Variants in RSPO2 observed in about 807,000 individuals in gnomAD.
The protein encoded by RSPO2 is R-spondin-2.
RSPO2 carries 14 observed loss-of-function variants against 30.9 expected under a neutral mutation model. That is an observed-to-expected ratio of 0.45 (90% confidence interval 0.30 to 0.71). The LOEUF (loss-of-function observed/expected upper bound fraction) is 0.71, where lower values mean the gene tolerates loss of function less well. Ranked by LOEUF, RSPO2 falls within the 30% of genes least tolerant of loss-of-function variation. RSPO2 has a pLI of 0.08. For synonymous variants in RSPO2, 107 were observed against 96.4 expected (o/e 1.11, Z -0.64); for missense variants, 264 against 301.9 (o/e 0.87, Z 0.93).
At chr8:108,065,205 C>T (rs914435112) in intron 2 of RSPO2, among the ~76,000 whole-genome samples, 14 of 148,832 alleles carry the variant, frequency 9.4e-5, no homozygotes, top group African/African-American at 3.5e-4. Context: ...ACCTAGATGA[C>T]GTGTTAATAG....
In RSPO2 at chr8:107,955,190, G is replaced by A. The variant is rs190010257; in HGVS notation, c.616+2890C>T. ...CCAAGTCTCTTCCTCACCTTCATAT[G>A]ACAGCCACAGAACTTGCCTGCAACT... On this transcript the variant is annotated intron_variant, in intron 5 of 5. Coordinates refer to ENST00000276659, the MANE Select transcript of RSPO2 (RefSeq NM_178565.5). Among the ~76,000 whole-genome samples, 19 of 152,200 alleles carry A rather than the reference G, an allele frequency of 1.2e-4. No individual in the cohort carries two copies. In the East Asian group the frequency reaches 3.5e-3, roughly 28 times the overall value.
At chr8:107,910,557 G>T (rs1196352658) in intron 5 of RSPO2, among the ~76,000 whole-genome samples, 1 of 151,994 alleles carries the variant, frequency 6.6e-6, no homozygotes, top group African/African-American at 2.4e-5. Context: ...ATAGGTTATT[G>T]GTCCAAGCCA....
chr8:108,059,165 C>A (rs1376364355), intron 2 of RSPO2, among the ~76,000 whole-genome samples: 1 of 151,520 alleles, frequency 6.6e-6, no homozygotes, highest in Non-Finnish European at 1.5e-5. Flanking sequence ...AAAAAATAAA[C>A]AACCCCATCA....
rs145878777 is a variant in RSPO2, at chr8:108,002,121, T to C, written c.95-12877A>G. Among the ~76,000 whole-genome samples the C allele has an allele frequency of 3.8e-3, 579 of 152,314 alleles. 4 individuals are homozygous for C. The highest frequency in any genetic ancestry group is 0.013 in the African/African-American group (555 of 41,580). On this transcript the variant is annotated intron_variant, in intron 2 of 5. Transcript: ENST00000276659. ...GAAACTGCTGTGTTGTACAGATTAC[T>C]TATGCCAAGTGTTGGCTGGAGCTTT... is the stretch of plus-strand genomic sequence containing the variant.
intron 5 of RSPO2, among the ~76,000 whole-genome samples, chr8:107,924,470 A>T (rs1161799665): frequency 2.6e-5 from 4 of 152,078 alleles, no homozygotes; most frequent in Non-Finnish European, 5.9e-5. Context: ...TCCAATAAAA[A>T]TTCCTCAAGG....
intron 2 of RSPO2, among the ~76,000 whole-genome samples, chr8:108,053,707 TC>T (rs1812146261): frequency 1.3e-5 from 2 of 152,256 alleles, no homozygotes; most frequent in Admixed American, 6.5e-5. Flanking sequence ...GTGATTAAAA[TC>T]CTATTAAAAG....
chr8:107,953,051 C>T (rs566464947), intron 5 of RSPO2, among the ~76,000 whole-genome samples: 1 of 152,224 alleles, frequency 6.6e-6, no homozygotes, highest in African/African-American at 2.4e-5. Flanking sequence ...TGAGTTGAGG[C>T]AGCTGTGAGC....
intron 2 of RSPO2, among the ~76,000 whole-genome samples, chr8:107,993,334 T>C (rs1394056897): frequency 1.3e-5 from 2 of 152,162 alleles, no homozygotes; most frequent in Non-Finnish European, 2.9e-5. Context: ...CGAATATCTA[T>C]GAACAGAATA....
At chr8:107,973,196 G>A (rs975874697) in intron 3 of RSPO2, among the ~76,000 whole-genome samples, 1 of 151,850 alleles carries the variant, frequency 6.6e-6, no homozygotes, top group Non-Finnish European at 1.5e-5. Flanking sequence ...CGTGAACCCG[G>A]GAGGCAGAGT....
intron 2 of RSPO2, among the ~76,000 whole-genome samples, chr8:108,072,318 A>ATT: frequency 8.0e-6 from 1 of 124,616 alleles, no homozygotes; most frequent in African/African-American, 3.9e-5. Context: ...ATGGCAGAGA[A>ATT]CTTTTTTTTT....
intron 2 of RSPO2, among the ~76,000 whole-genome samples, chr8:108,056,640 A>AAG (rs1812256411): frequency 3.3e-5 from 5 of 149,636 alleles, no homozygotes; most frequent in Admixed American, 1.3e-4. Context: ...AAAAAAAAAA[A>AAG]AAAGAAAAGA....
chr8:107,943,347 G>C (rs1812958577), intron 5 of RSPO2, among the ~76,000 whole-genome samples: 1 of 152,128 alleles, frequency 6.6e-6, no homozygotes, highest in African/African-American at 2.4e-5. Flanking sequence ...TAAAATATCA[G>C]CATTTTGAGA....
In RSPO2 at chr8:108,061,166, T is replaced by C. The variant is rs553440284; in HGVS notation, c.94+21379A>G. On this transcript the variant is annotated intron_variant, in intron 2 of 5. Transcript: ENST00000276659. Reference sequence around the variant, plus strand: ...ACCAGCTAACATCATAATGACAGGATCAAATTCACACATAACAATATTAAC... The same window carrying C: ...ACCAGCTAACATCATAATGACAGGACCAAATTCACACATAACAATATTAAC... Among the ~76,000 whole-genome samples the C allele has an allele frequency of 8.6e-5, 13 of 151,818 alleles. No homozygotes were observed. The South Asian group carries it at 2.7e-3, about 32-fold the overall frequency.
At chr8:108,010,812 A>G (rs1167731969) in intron 2 of RSPO2, among the ~76,000 whole-genome samples, 1 of 152,186 alleles carries the variant, frequency 6.6e-6, no homozygotes, top group Admixed American at 6.5e-5. Flanking sequence ...ACACCCAGAA[A>G]TAAAAATGAG....
intron 2 of RSPO2, among the ~76,000 whole-genome samples, chr8:108,002,476 C>T (rs1018951149): frequency 2.6e-5 from 4 of 152,202 alleles, no homozygotes; most frequent in Admixed American, 2.0e-4. Flanking sequence ...AAATCTTCCC[C>T]TCCTGCCTAT....
At chr8:108,072,837 C>T (rs11777084) in intron 2 of RSPO2, among the ~76,000 whole-genome samples, 46,042 of 151,864 alleles carry the variant, frequency 0.3, 7,810 homozygotes, top group African/African-American at 0.46. Flanking sequence ...TAAATAGGTC[C>T]CTCTATAAAG....
At chr8:108,049,365 T>C (rs78702769) in intron 2 of RSPO2, among the ~76,000 whole-genome samples, 1 of 152,048 alleles carries the variant, frequency 6.6e-6, no homozygotes, top group African/African-American at 2.4e-5. Context: ...CTTTTTTTTC[T>C]TTTTTTAAAG....
intron 2 of RSPO2, among the ~76,000 whole-genome samples, chr8:108,032,327 T>C (rs1811448535): frequency 6.6e-6 from 1 of 152,214 alleles, no homozygotes; most frequent in African/African-American, 2.4e-5. Context: ...CATTCATTTG[T>C]CTTTGTTCTC....
chr8:107,985,065 A>G (rs1314570259), intron 3 of RSPO2, among the ~76,000 whole-genome samples: 1 of 152,164 alleles, frequency 6.6e-6, no homozygotes, highest in Admixed American at 6.5e-5. Flanking sequence ...ACTCTGGTAA[A>G]CATCCTATAA....
Sources: gnomAD v4.1 joint callset for allele counts (sites outside exome capture counted in the v4.1 genomes callset) on GRCh38, gnomAD v4.1.1 for gene constraint, MANE v1.5 for transcripts, NCBI Gene and HGNC (gene_info 2026-07-23, HGNC 2026-07-21) for gene names.